The following LDLRAD1 variants were observed in gnomAD, a reference collection of about 807,000 sequenced individuals.
LDLRAD1 encodes the protein low-density lipoprotein receptor class A domain-containing protein 1.
LDLRAD1 carries 17 observed loss-of-function variants against 24.8 expected under a neutral mutation model. The observed-to-expected ratio is 0.69, with a 90% CI of 0.47 to 1.03. LDLRAD1 has a LOEUF of 1.03. Among genes scored for constraint, LDLRAD1 ranks in the 50% least tolerant of loss-of-function variants. The pLI, the probability that LDLRAD1 is intolerant of heterozygous loss-of-function variation, is 0.00. For synonymous variants in LDLRAD1, 103 were observed against 108.2 expected, an observed-to-expected ratio of 0.95 and a Z score of 0.30; for missense variants, 277 against 271.0, an observed-to-expected ratio of 1.02 and a Z score of -0.16.
intron 4 of LDLRAD1, among the ~76,000 whole-genome samples, chr1:54,011,933 G>A (rs770575089): frequency 6.6e-6 from 1 of 152,200 alleles, no homozygotes; most frequent in African/African-American, 2.4e-5. Flanking sequence ...TTCTCTGGGA[G>A]TGGAGACGCA....
At position 54,010,339 on chromosome 1, in the gene LDLRAD1, C is replaced by T. The variant is rs1655995327; in HGVS notation, c.412G>A (p.Asp138Asn). 1 of 1,613,924 alleles carries T rather than the reference C, an allele frequency of 6.2e-7. No homozygotes were observed. Among genetic ancestry groups the T allele is most frequent in the African/African-American group, 1.3e-5 (1 of 74,872 alleles). Residue 138 changes from aspartate to asparagine, a missense_variant, in exon 5 of 6, where the codon GAC becomes AAC. Asp to Asn is a conservative substitution (Grantham distance 23). Coordinates refer to ENST00000371360, the MANE Select transcript of LDLRAD1 (RefSeq NM_001010978.4). ...TTGTTAGTGCCATCACATTTTTGGT[C>T]TGAGTAGATCCAGGAGGCCGGGTCT... ...CGDPASWIYS[D>N]QKCDGTNNCG...
Position 54,017,381 on chromosome 1 carries a change from C to T in LDLRAD1, c.68G>A (p.Gly23Glu). 14 of 1,601,610 alleles carry T rather than the reference C, an allele frequency of 8.7e-6. No homozygotes were observed. The highest frequency in any genetic ancestry group is 1.2e-5 in the Non-Finnish European group (14 of 1,173,516). ...CAGGCCCTCCAGTTCTTTACCTTCC[C>T]CTCCAGGGTGGGCTTTGGATTCAGC... ...TAAESKAHPG[G>E]EAGGGHLCCS... is the part of the protein sequence containing the mutation. The change falls in exon 2 of 6, where the codon GGG becomes GAG. Residue 23 changes from glycine (G) to glutamate (E), a missense_variant. Coordinates refer to ENST00000371360, the MANE Select transcript of LDLRAD1 (RefSeq NM_001010978.4).
At chr1:54,016,178 G>C (rs867872440) in intron 2 of LDLRAD1, among the ~76,000 whole-genome samples, 4 of 152,122 alleles carry the variant, frequency 2.6e-5, no homozygotes, top group Non-Finnish European at 4.4e-5. Flanking sequence ...GGTTGCAGGT[G>C]GGGGAGCACA....
At chr1:54,016,956 T>C (rs1190542185) in intron 2 of LDLRAD1, among the ~76,000 whole-genome samples, 1 of 152,146 alleles carries the variant, frequency 6.6e-6, no homozygotes, top group Non-Finnish European at 1.5e-5. Context: ...TTCAGAAGGG[T>C]AAAGAGGACT....
At chr1:54,016,350 GT>G (rs1054683683) in intron 2 of LDLRAD1, among the ~76,000 whole-genome samples, 11 of 152,166 alleles carry the variant, frequency 7.2e-5, no homozygotes, top group African/African-American at 2.7e-4. Flanking sequence ...GGGAGGCAGC[GT>G]GACTCTGGGC....
chr1:54,008,360 T>TG lies in LDLRAD1; in HGVS notation c.*621_*622insC, dbSNP rs1380182604. ...GGTAGGAAGTGGCATATGTTTCACG[T>TG]ATGTGCCATCCATGAAGGCTAAACT... is the stretch of plus-strand genomic sequence containing the variant. On this transcript the variant is annotated 3_prime_UTR_variant, in exon 6 of 6. Coordinates refer to ENST00000371360, the MANE Select transcript of LDLRAD1 (RefSeq NM_001010978.4). 5.3e-5 allele frequency: 8 copies of TG among 152,286 alleles called. No individual in the cohort carries two copies. The allele number at this position is 152,286 out of a possible 1,614,324, so 9.4% of individuals were successfully genotyped here. A position where few individuals can be genotyped will look rare whatever the true frequency, so the allele number is the denominator to read the frequency against.
intron 2 of LDLRAD1, 45 bp from the exon 3 acceptor site, chr1:54,014,409 C>T: frequency 6.6e-7 from 1 of 1,520,790 alleles, no homozygotes. Flanking sequence ...TGATAGGGGG[C>T]CAGCGCTAGG....
chr1:54,010,154 G>C, intron 5 of LDLRAD1, 128 bp downstream of exon 5: 1 of 1,050,816 alleles, frequency 9.5e-7, no homozygotes, highest in South Asian at 1.6e-5. Context: ...TCAAGCAGGG[G>C]TAGAAAACTC....
At chr1:54,010,250 A>G in intron 5 of LDLRAD1, 32 bp downstream of exon 5, 1 of 1,612,058 alleles carries the variant, frequency 6.2e-7, no homozygotes, top group Non-Finnish European at 8.5e-7. Context: ...CCTGGACACC[A>G]GCCCCAGCCC....
intron 4 of LDLRAD1, among the ~76,000 whole-genome samples, chr1:54,010,849 G>A (rs1656021690): frequency 6.6e-6 from 1 of 152,186 alleles, no homozygotes; most frequent in South Asian, 2.1e-4. Context: ...AAGATCTAGG[G>A]TTCACACACC....
In LDLRAD1 at chr1:54,008,903, TGC is replaced by T; in HGVS notation, c.*77_*78del. 1 of 1,352,578 alleles carries T rather than the reference TGC, an allele frequency of 7.4e-7. No individual in the cohort carries two copies. The highest frequency in any genetic ancestry group is 1.0e-6 in the Non-Finnish European group (1 of 981,216). 83.8% of individuals were successfully genotyped at this position (1,352,578 alleles called of 1,614,324 possible). A position where few individuals can be genotyped will look rare whatever the true frequency, so the allele number is the denominator to read the frequency against. ...TTTCAAAGGCTGCTTCCTGCCCTTG[TGC>T]GCTAGGATTTGATTTTCATGTGAAG... On this transcript the variant is annotated 3_prime_UTR_variant, in exon 6 of 6. Coordinates refer to ENST00000371360, the MANE Select transcript of LDLRAD1 (RefSeq NM_001010978.4).
intron 2 of LDLRAD1, 94 bp from the exon 3 acceptor site, chr1:54,014,458 G>C (rs1656212173): frequency 5.7e-6 from 7 of 1,230,702 alleles, no homozygotes; most frequent in African/African-American, 1.5e-5. Flanking sequence ...GCTGCAAGCA[G>C]CCTCTCCCCC....
intron 2 of LDLRAD1, among the ~76,000 whole-genome samples, chr1:54,017,161 T>C (rs1186654843): frequency 6.6e-6 from 1 of 152,216 alleles, no homozygotes; most frequent in African/African-American, 2.4e-5. Flanking sequence ...CAGTAGGTGC[T>C]TAATGAATGC....
chr1:54,013,160 A>G (rs1397462275), intron 3 of LDLRAD1, among the ~76,000 whole-genome samples: 2 of 152,108 alleles, frequency 1.3e-5, no homozygotes, highest in South Asian at 4.1e-4. Flanking sequence ...TGCTGCACCT[A>G]TGTGCACACT....
rs185453681 is a variant in LDLRAD1, at chr1:54,007,458, A to C, written c.*1524T>G. 6 of 152,260 alleles carry C rather than the reference A, an allele frequency of 3.9e-5. No individual in the cohort carries two copies. The highest frequency in any genetic ancestry group is 2.1e-4 in the South Asian group (1 of 4,822). The allele number at this position is 152,260 out of a possible 1,614,324, so 9.4% of individuals were successfully genotyped here. A position where few individuals can be genotyped will look rare whatever the true frequency, so the allele number is the denominator to read the frequency against. On this transcript the variant is annotated 3_prime_UTR_variant, in exon 6 of 6. Transcript: ENST00000371360. ...GTTTTATTTTATTTTTATTAAAAAG[A>C]AATTTTTTGAGACAGGGTTTGTTGC...
At chr1:54,017,255 A>G in intron 2 of LDLRAD1, 121 bp downstream of exon 2, 1 of 754,970 alleles carries the variant, frequency 1.3e-6, no homozygotes, top group Non-Finnish European at 2.2e-6. Context: ...GACAACGTTA[A>G]CATGGAGGCA....
At position 54,007,667 on chromosome 1, in the gene LDLRAD1, A is replaced by G. The variant is rs1455663215; in HGVS notation, c.*1315T>C. ...CCTATGTTGCCCAGGCTGGTCTCGA[A>G]CTCCTGGGCTCAAGTGGGACACTTC... On this transcript the variant is annotated 3_prime_UTR_variant, in exon 6 of 6. Coordinates refer to ENST00000371360, the MANE Select transcript of LDLRAD1 (RefSeq NM_001010978.4). 6.6e-6 allele frequency: 1 copy of G among 152,134 alleles called. No individual in the cohort carries two copies. The highest frequency in any genetic ancestry group is 1.5e-5 in the Non-Finnish European group (1 of 68,138). 9.4% of individuals were successfully genotyped at this position (152,134 alleles called of 1,614,324 possible).
intron 2 of LDLRAD1, among the ~76,000 whole-genome samples, chr1:54,016,650 A>G (rs74085125): frequency 0.094 from 14,345 of 152,214 alleles, 1,416 homozygotes; most frequent in African/African-American, 0.25. Flanking sequence ...GAGAGACCTC[A>G]GTTCACATTT....
chr1:54,012,709 G>C (rs1239577987), intron 3 of LDLRAD1, among the ~76,000 whole-genome samples: 1 of 152,158 alleles, frequency 6.6e-6, no homozygotes, highest in Admixed American at 6.5e-5. Flanking sequence ...CCAGGTTAGA[G>C]TGTCAGAAGC....
Sources: gnomAD v4.1 joint callset for allele counts (sites outside exome capture counted in the v4.1 genomes callset) on GRCh38, gnomAD v4.1.1 for gene constraint, MANE v1.5 for transcripts, NCBI Gene and HGNC (gene_info 2026-07-23, HGNC 2026-07-21) for gene names.